The following SYCP2 variants were observed in gnomAD, a reference collection of about 807,000 sequenced individuals.
SYCP2 encodes synaptonemal complex protein 2.
A neutral mutation model predicts 211.3 loss-of-function variants in SYCP2; 55 were observed. The ratio of observed to expected loss-of-function variants is 0.26; its 90% confidence interval spans 0.21 to 0.33. The LOEUF is 0.33. Ranked by LOEUF, SYCP2 falls within the 10% of genes least tolerant of loss-of-function variation. The pLI, the probability that SYCP2 is intolerant of heterozygous loss-of-function variation, is 1.00. For synonymous variants in SYCP2, 570 were observed against 555.2 expected (o/e 1.03, Z -0.37); for missense variants, 1,731 against 1,752.0 (o/e 0.99, Z 0.21).
At chr20:59,887,929 G>A (rs2059827015) in intron 24 of SYCP2, among the ~76,000 whole-genome samples, 1 of 151,806 alleles carries the variant, frequency 6.6e-6, no homozygotes, top group South Asian at 2.1e-4. Context: ...TAGATGAAAT[G>A]GACCAATTCC....
At chr20:59,887,420 C>T (rs781584397) in intron 24 of SYCP2, among the ~76,000 whole-genome samples, 3 of 152,056 alleles carry the variant, frequency 2.0e-5, no homozygotes, top group Non-Finnish European at 4.4e-5. Context: ...GGGTGGGTTC[C>T]AAGTCTTTGC....
At chr20:59,910,810 G>A (rs750783922) in intron 14 of SYCP2, among the ~76,000 whole-genome samples, 52 of 150,888 alleles carry the variant, frequency 3.4e-4, no homozygotes, top group Non-Finnish European at 7.2e-4. Flanking sequence ...GTAGCTCCTC[G>A]AAAAAAAATC....
chr20:59,913,219 C>T (rs1473913979), intron 12 of SYCP2, among the ~76,000 whole-genome samples: 1 of 152,054 alleles, frequency 6.6e-6, no homozygotes, highest in African/African-American at 2.4e-5. Flanking sequence ...ATCTATATCA[C>T]AAACATATGA....
rs200786337 is a variant in SYCP2, at chr20:59,879,675, A to G, written c.2941+628T>C. On this transcript the variant is annotated intron_variant, in intron 31 of 44. Transcript: ENST00000357552. ...AAAGCAGAAGCCACTTTCTAGGAAA[A>G]TACTTTGTGGAAAACTTAGACCCAA... Among the ~76,000 whole-genome samples the G allele has an allele frequency of 5.3e-5, 8 of 151,328 alleles. No individual in the cohort carries two copies. In the East Asian group the frequency reaches 1.4e-3, roughly 26 times the overall value.
chr20:59,901,927 G>A (rs1014549441), intron 15 of SYCP2, 117 bp from the exon 16 acceptor site: 1 of 797,300 alleles, frequency 1.3e-6, no homozygotes, highest in African/African-American at 1.8e-5. Flanking sequence ...TCTCAATATT[G>A]AACAGTGTTT....
At chr20:59,910,814 A>G (rs2060306871) in intron 14 of SYCP2, among the ~76,000 whole-genome samples, 1 of 151,682 alleles carries the variant, frequency 6.6e-6, no homozygotes. Context: ...CTCCTCGAAA[A>G]AAAATCAGCT....
Position 59,882,093 on chromosome 20 carries a change from A to T in SYCP2, c.2600+2T>A. The T allele has an allele frequency of 6.2e-7, 1 of 1,612,398 alleles. No individual in the cohort carries two copies. Among genetic ancestry groups the T allele is most frequent in the South Asian group, 1.1e-5 (1 of 90,852 alleles). On this transcript the variant is annotated splice_donor_variant, in intron 27 of 44. Transcript: ENST00000357552. LOFTEE classifies it high-confidence loss of function. The stretch of plus-strand genomic sequence containing the variant: ...ATGAAAAATATTACAAAAAATACTT[A>T]CACTGGGCATTCAGAAGTAACATTA...
chr20:59,884,307 T>C (rs1411851187), intron 26 of SYCP2, among the ~76,000 whole-genome samples: 1 of 151,950 alleles, frequency 6.6e-6, no homozygotes, highest in African/African-American at 2.4e-5. Context: ...CTAGTATTGT[T>C]AGGAAAAAAA....
chr20:59,877,850 G>A (rs535100765), intron 32 of SYCP2, among the ~76,000 whole-genome samples, 158 bp downstream of exon 32: 3 of 152,156 alleles, frequency 2.0e-5, no homozygotes, highest in South Asian at 4.1e-4. Flanking sequence ...AGGCCAGTAT[G>A]ATTTAAAAAG....
In SYCP2 at chr20:59,896,511, T is replaced by G. The variant is rs754048623; in HGVS notation, c.1422A>C (p.Lys474Asn). 3 of 1,608,418 alleles carry G rather than the reference T, an allele frequency of 1.9e-6. No homozygotes were observed. The highest frequency in any genetic ancestry group is 1.1e-5 in the South Asian group (1 of 90,780). Reference protein sequence around the residue: ...NSQLEKTTPSKRKMSEASMIV... With the variant: ...NSQLEKTTPSNRKMSEASMIV... ...TCATTGATGCTTCAGACATTTTTCT[T>G]TTGCTAGGAGTAGTTTTCTGAAACC... is the stretch of plus-strand genomic sequence containing the variant. The change falls in exon 19 of 45, where the codon AAA becomes AAC. Residue 474 changes from lysine to asparagine, a missense_variant. Transcript: ENST00000357552.
At chr20:59,891,109 C>T (rs1424610440) in intron 24 of SYCP2, among the ~76,000 whole-genome samples, 1 of 151,880 alleles carries the variant, frequency 6.6e-6, no homozygotes, top group African/African-American at 2.4e-5. Context: ...ATAATTTGCA[C>T]ATTGAGAGGT....
chr20:59,874,503 A>G (rs2059516565), intron 34 of SYCP2, among the ~76,000 whole-genome samples: 1 of 152,080 alleles, frequency 6.6e-6, no homozygotes, highest in South Asian at 2.1e-4. Flanking sequence ...TAATATAAAT[A>G]AATCCTCAGA....
intron 20 of SYCP2, among the ~76,000 whole-genome samples, chr20:59,894,769 C>T (rs952815012): frequency 6.6e-6 from 1 of 152,030 alleles, no homozygotes; most frequent in Non-Finnish European, 1.5e-5. Flanking sequence ...TTAGATGTTC[C>T]TCCTTTACAA....
rs778724140 is a variant in SYCP2, at chr20:59,881,453, C to T, written c.2698G>A (p.Asp900Asn). The T allele has an allele frequency of 1.1e-5, 17 of 1,538,866 alleles. No homozygotes were observed. Among genetic ancestry groups the T allele is most frequent in the Non-Finnish European group, 1.5e-5 (17 of 1,135,664 alleles). ...FQATAKEACA[D>N]RSIRLVGPRN... ...AATACCTACAATCTAATTGACCTAT[C>T]CGCACAAGCTTCTTTAGCTGTAGCT... The change falls in exon 29 of 45, where the codon GAT (aspartate) becomes AAT (asparagine). Residue 900 changes from aspartate (D) to asparagine (N), a missense_variant. By Grantham distance (23) the Asp-to-Asn change is conservative. Transcript: ENST00000357552.
chr20:59,870,042 C>A (rs902985366), intron 35 of SYCP2, 59 bp from the exon 36 acceptor site: 2 of 1,151,496 alleles, frequency 1.7e-6, no homozygotes. Context: ...CAAAGCCCCC[C>A]ACTTCAAAAA....
At chr20:59,909,688 A>G (rs140831679) in intron 14 of SYCP2, among the ~76,000 whole-genome samples, 7 of 152,332 alleles carry the variant, frequency 4.6e-5, no homozygotes, top group East Asian at 1.9e-4. Context: ...CCCTCTGTAC[A>G]TCTTTCAATT....
chr20:59,914,274 T>C, intron 10 of SYCP2, 23 bp from the exon 11 acceptor site: 2 of 1,411,752 alleles, frequency 1.4e-6, no homozygotes, highest in Non-Finnish European at 9.7e-7. Flanking sequence ...TAGTTAATGT[T>C]TGATTTACAA....
At chr20:59,869,007 A>C in intron 36 of SYCP2, 82 bp from the exon 37 acceptor site, 3 of 945,962 alleles carry the variant, frequency 3.2e-6, no homozygotes, top group Non-Finnish European at 4.7e-6. Flanking sequence ...AAACCCAAAA[A>C]CCAATAATTT....
intron 15 of SYCP2, 103 bp downstream of exon 15, chr20:59,907,261 G>T: frequency 5.5e-6 from 4 of 721,452 alleles, no homozygotes; most frequent in South Asian, 5.2e-5. Flanking sequence ...TGAAAATATT[G>T]ATTTTGCTTT....
Sources: allele counts gnomAD v4.1 joint callset (sites outside exome capture counted in the v4.1 genomes callset), GRCh38; gene constraint gnomAD v4.1.1; transcripts MANE v1.5; gene names NCBI Gene and HGNC (gene_info 2026-07-23, HGNC 2026-07-21).